The following ATM variants were observed in gnomAD, a reference collection of about 807,000 sequenced individuals.
ATM encodes the protein serine-protein kinase ATM.
Under a neutral mutation model 387.0 loss-of-function variants are expected in ATM, and 308 were observed. That is an observed-to-expected ratio of 0.80 (90% CI 0.73 to 0.87). The LOEUF (loss-of-function observed/expected upper bound fraction) is 0.87, where lower values mean the gene tolerates loss of function less well. ATM is among the 40% of genes least tolerant of loss of function. The probability of loss-of-function intolerance (pLI) is 0.00; values close to 1 mark genes in which losing one functional copy is unlikely to be tolerated. For synonymous variants in ATM, 1,156 were observed against 1,187.3 expected (o/e 0.97, Z 0.54); for missense variants, 3,312 against 3,560.9 (o/e 0.93, Z 1.78).
intron 45 of ATM, among the ~76,000 whole-genome samples, chr11:108,323,346 C>T (rs595747): frequency 0.62 from 94,556 of 151,882 alleles, 29,751 homozygotes; most frequent in Middle Eastern, 0.77. Flanking sequence ...GAAAAGAGTA[C>T]AGAATTCTTT....
chr11:108,334,697 A>T (rs1189382317), intron 54 of ATM, among the ~76,000 whole-genome samples: 1 of 151,520 alleles, frequency 6.6e-6, no homozygotes, highest in African/African-American at 2.4e-5. Flanking sequence ...AACCCAGAAA[A>T]CTCCTTCTAC....
chr11:108,315,676 T>G, intron 40 of ATM, 147 bp from the exon 41 acceptor site: 1 of 685,344 alleles, frequency 1.5e-6, no homozygotes, highest in South Asian at 1.7e-5. Flanking sequence ...ATTTCAGAAC[T>G]GTATTTCAGA....
chr11:108,226,787 A>T (rs2078759895), intron 1 of ATM: 1 of 151,932 alleles, frequency 6.6e-6, no homozygotes, highest in African/African-American at 2.4e-5. Flanking sequence ...GCTCACTGCA[A>T]CCTCTGCCTC....
chr11:108,267,283 A>T lies in ATM; in HGVS notation c.2579A>T (p.Asp860Val), dbSNP rs761251711. The T allele has an allele frequency of 3.7e-6, 6 of 1,614,182 alleles. No homozygotes were observed. Among genetic ancestry groups the T allele is most frequent in the South Asian group, 1.1e-5 (1 of 91,086 alleles). Residue 860 changes from aspartate (D) to valine (V), a missense_variant, in exon 17 of 63, where the codon GAT (aspartate) becomes GTT (valine). Physicochemically the swap from Asp to Val is radical, Grantham distance 152 (BLOSUM62 -3). Around this residue, in one of 4 missense-constraint regions of ATM, gnomAD observed 1,791 missense variants for 1,804.5 expected, o/e 0.99. Coordinates refer to ENST00000675843, the MANE Select transcript of ATM (RefSeq NM_000051.4). ...EDQSSMNLFN[D>V]YPDSSVSDAN... ...CAGTCATCCATGAATCTATTTAACGATTACCCTGATAGTAGTGTTAGTGAT... is the reference window on the plus strand; with the variant it reads ...CAGTCATCCATGAATCTATTTAACGTTTACCCTGATAGTAGTGTTAGTGAT...
At chr11:108,361,147 C>T (rs1209367709) in intron 61 of ATM, among the ~76,000 whole-genome samples, 3 of 134,916 alleles carry the variant, frequency 2.2e-5, no homozygotes, top group Non-Finnish European at 4.7e-5. Context: ...TTCTTTTACA[C>T]CAACAACAGA....
rs768106055 is a variant in ATM at position 108,310,232 on chromosome 11, T to C, written c.5835T>C (p.Ala1945=). Residue 1945 remains alanine (A), a synonymous_variant, in exon 39 of 63, where the codon GCT becomes GCC. Transcript: ENST00000675843. ...DLNYLEVAKV[A]QSCAAHFTAL... ...ATTATCTAGAAGTTGCCAAGGTAGC[T>C]CAGTCTTGTGCTGCTCACTTTACAG... is the stretch of plus-strand genomic sequence containing the variant. 3 of 1,613,620 alleles carry C rather than the reference T, an allele frequency of 1.9e-6. 1 individual carries two copies. The South Asian group carries it at 3.3e-5, about 18-fold the overall frequency.
intron 48 of ATM, 115 bp from the exon 49 acceptor site, chr11:108,328,906 G>A: frequency 8.8e-7 from 1 of 1,131,958 alleles, no homozygotes; most frequent in South Asian, 1.4e-5. Context: ...ATATAATTTA[G>A]CTAGCTTTTA....
In ATM at chr11:108,227,795, A is replaced by C. The variant is rs2135011309; in HGVS notation, c.92A>C (p.Lys31Thr). The C allele has an allele frequency of 6.2e-7, 1 of 1,613,806 alleles. No individual in the cohort carries two copies. The highest frequency in any genetic ancestry group is 8.5e-7 in the Non-Finnish European group (1 of 1,179,840). The stretch of plus-strand genomic sequence containing the variant: ...TTTCAGAAAGAAGTTGAGAAATTTA[A>C]GCGCCTGATTCGAGATCCTGAAACA... ...TERKKEVEKF[K>T]RLIRDPETIK... The change falls in exon 3 of 63, where the codon AAG becomes ACG. Residue 31 changes from lysine to threonine, a missense_variant. Lys to Thr is a moderately conservative substitution (Grantham distance 78). Around this residue, in one of 4 missense-constraint regions of ATM, gnomAD observed 1,791 missense variants for 1,804.5 expected, o/e 0.99. Transcript: ENST00000675843.
rs2136017191 is a variant in ATM, at chr11:108,310,268, T to C, written c.5871T>C (p.Tyr1957=). The change falls in exon 39 of 63, where the codon TAT becomes TAC. Residue 1957 remains tyrosine, a synonymous_variant. Coordinates refer to ENST00000675843, the MANE Select transcript of ATM (RefSeq NM_000051.4). Reference sequence around the variant, plus strand: ...CTGCTCACTTTACAGCTTTACTCTATGCAGAAATCTATGCAGATAAGAAAA... The same window carrying C: ...CTGCTCACTTTACAGCTTTACTCTACGCAGAAATCTATGCAGATAAGAAAA... The part of the protein sequence containing the change: ...SCAAHFTALL[Y]AEIYADKKSM... The C allele has an allele frequency of 1.9e-6, 3 of 1,613,578 alleles. No individual in the cohort carries two copies. Among genetic ancestry groups the C allele is most frequent in the South Asian group, 1.1e-5 (1 of 91,072 alleles).
intron 26 of ATM, 44 bp downstream of exon 26, chr11:108,284,517 T>C (rs1189146390): frequency 1.2e-6 from 2 of 1,602,504 alleles, no homozygotes; most frequent in Non-Finnish European, 1.7e-6. Flanking sequence ...CTGAATGATA[T>C]GAGATATAAC....
At chr11:108,312,611 G>A (rs1195847960) in intron 40 of ATM, 113 bp downstream of exon 40, 1 of 769,688 alleles carries the variant, frequency 1.3e-6, no homozygotes. Context: ...TTACTTACTG[G>A]ACTAAGCATC....
At chr11:108,283,164 G>A (rs1014049429) in intron 25 of ATM, among the ~76,000 whole-genome samples, 1 of 152,172 alleles carries the variant, frequency 6.6e-6, no homozygotes, top group Admixed American at 6.5e-5. Context: ...AAGTAAGCAA[G>A]TTACACAAGG....
At chr11:108,363,207 ATCATTTCTTTCCTCTCTTGGAT>A (rs1402960794) in intron 61 of ATM, among the ~76,000 whole-genome samples, 1 of 152,162 alleles carries the variant, frequency 6.6e-6, no homozygotes, top group African/African-American at 2.4e-5. Flanking sequence ...CCTCTGGGAC[ATCATTTCTTTCCTCTCTTGGAT>A]TCATTTCTTT....
In ATM at chr11:108,318,208, A is replaced by G. The variant is rs567552430; in HGVS notation, c.6347+687A>G. On this transcript the variant is annotated intron_variant, in intron 43 of 62. Coordinates refer to ENST00000675843, the MANE Select transcript of ATM (RefSeq NM_000051.4). ...GAAACCCTTTCTCTACTAAAATACA[A>G]AAAATTAGCCAGGCGTGGCAGCATG... is the stretch of plus-strand genomic sequence containing the variant. Among the ~76,000 whole-genome samples the G allele has an allele frequency of 2.6e-5, 4 of 152,156 alleles. No individual in the cohort carries two copies. In the South Asian group the frequency reaches 8.3e-4, roughly 32 times the overall value.
At chr11:108,296,256 CTTT>C (rs1298737298) in intron 32 of ATM, among the ~76,000 whole-genome samples, 1 of 144,990 alleles carries the variant, frequency 6.9e-6, no homozygotes. Context: ...TTTCATATTT[CTTT>C]TTTTTTTTTG....
intron 48 of ATM, among the ~76,000 whole-genome samples, chr11:108,328,045 G>A (rs1005712119): frequency 6.6e-6 from 1 of 152,040 alleles, no homozygotes; most frequent in Admixed American, 6.6e-5. Context: ...CTTCATTTAT[G>A]CATCTACAAA....
intron 18 of ATM, 85 bp from the exon 19 acceptor site, chr11:108,270,979 C>A (rs1380287744): frequency 8.9e-7 from 1 of 1,129,798 alleles, no homozygotes; most frequent in Non-Finnish European, 1.3e-6. Context: ...CAGGTGTGAG[C>A]CACTGCACCC....
At chr11:108,308,896 G>A in intron 38 of ATM, 2 of 849,750 alleles carry the variant, frequency 2.4e-6, no homozygotes, top group South Asian at 1.5e-5. Flanking sequence ...CCTATCAGAA[G>A]CTTTAATGTA....
chr11:108,280,771 G>A (rs1053739347), intron 23 of ATM, among the ~76,000 whole-genome samples: 1 of 152,166 alleles, frequency 6.6e-6, no homozygotes, highest in African/African-American at 2.4e-5. Context: ...AATTGACTTA[G>A]TGGAAAGCTC....
Sources: gnomAD v4.1 joint callset for allele counts (sites outside exome capture counted in the v4.1 genomes callset) on GRCh38, gnomAD v4.1.1 for gene constraint, gnomAD v4.1.1 regional missense constraint, MANE v1.5 for transcripts, NCBI Gene and HGNC (gene_info 2026-07-23, HGNC 2026-07-21) for gene names.